Variants in LHX4 observed in about 807,000 individuals in gnomAD.
The protein encoded by LHX4 is LIM homeobox 4.
LHX4 carries 16 observed loss-of-function variants against 39.2 expected under a neutral mutation model. That is an observed-to-expected ratio of 0.41 (90% CI 0.28 to 0.62). LHX4 has a LOEUF of 0.62. Ranked by LOEUF, LHX4 falls within the 20% of genes least tolerant of loss-of-function variation. The probability of loss-of-function intolerance (pLI) is 0.33; values close to 1 mark genes in which losing one functional copy is unlikely to be tolerated. For missense variants in LHX4, 439 were observed against 511.9 expected (o/e 0.86, Z 1.37); for synonymous variants, 206 against 198.1 (o/e 1.04, Z -0.33).
chr1:180,250,705 T>G (rs1025433004), intron 2 of LHX4, among the ~76,000 whole-genome samples: 1 of 152,164 alleles, frequency 6.6e-6, no homozygotes, highest in Non-Finnish European at 1.5e-5. Flanking sequence ...GACCCCCCAG[T>G]GCTTCCTCAG....
rs2149270778 is a variant in LHX4 at position 180,276,883 on chromosome 1, G to GTT, written c.*2305_*2306insTT. 1 of 4,182 alleles carries GTT rather than the reference G, an allele frequency of 2.4e-4. No individual in the cohort carries two copies. Among genetic ancestry groups the GTT allele is most frequent in the Admixed American group, 3.0e-3 (1 of 330 alleles). 0.3% of individuals were successfully genotyped at this position (4,182 alleles called of 1,614,324 possible). On this transcript the variant is annotated 3_prime_UTR_variant, in exon 6 of 6. Transcript: ENST00000263726. ...GTAGCACTGTTTAAGATCACTGTAA[G>GTT]TAAGTTGACCAGTTTTTGTAAGTTA...
At chr1:180,268,303 A>T (rs1648419856) in intron 3 of LHX4, among the ~76,000 whole-genome samples, 1 of 152,018 alleles carries the variant, frequency 6.6e-6, no homozygotes, top group African/African-American at 2.4e-5. Flanking sequence ...CCTCATTTGG[A>T]CTCTGAGCAC....
intron 1 of LHX4, among the ~76,000 whole-genome samples, chr1:180,235,842 A>G (rs1262319730): frequency 6.6e-6 from 1 of 152,232 alleles, no homozygotes; most frequent in African/African-American, 2.4e-5. Flanking sequence ...GACCGAGCGC[A>G]TCCCTGTGTC....
At chr1:180,261,274 C>T (rs1457623946) in intron 2 of LHX4, among the ~76,000 whole-genome samples, 1 of 151,192 alleles carries the variant, frequency 6.6e-6, no homozygotes, top group Non-Finnish European at 1.5e-5. Flanking sequence ...CTGAAGGGTG[C>T]GGGGAGTGGG....
Position 180,232,819 on chromosome 1 carries a change from T to G in LHX4, c.76+2214T>G, listed in dbSNP as rs76192592. 0.038 allele frequency among the ~76,000 whole-genome samples: 5,851 copies of G among 152,226 alleles called. 229 individuals are homozygous for G. The highest frequency in any genetic ancestry group is 0.1 in the African/African-American group (4,208 of 41,518). On this transcript the variant is annotated intron_variant, in intron 1 of 5. Transcript: ENST00000263726. This position sits in a 1 kb window ranked among gnomAD's most constrained non-coding sequence, Gnocchi z 5.4. Reference sequence around the variant, plus strand: ...TTAGTTTTCTTGGGACTGGGCCCAGTGGCCTAAGAAGGGGGGAAGCTCGAG... The same window carrying G: ...TTAGTTTTCTTGGGACTGGGCCCAGGGGCCTAAGAAGGGGGGAAGCTCGAG...
At chr1:180,262,634 G>A (rs2149261898) in intron 2 of LHX4, among the ~76,000 whole-genome samples, 1 of 149,610 alleles carries the variant, frequency 6.7e-6, no homozygotes, top group Middle Eastern at 3.5e-3. Flanking sequence ...TAAATCTTTA[G>A]GTACTTAAAG....
At chr1:180,238,735 G>C (rs543456691) in intron 1 of LHX4, among the ~76,000 whole-genome samples, 37 of 152,274 alleles carry the variant, frequency 2.4e-4, no homozygotes, top group African/African-American at 8.9e-4. Flanking sequence ...TTCTGTTATT[G>C]TCTCTTCAAG....
chr1:180,251,576 C>T (rs1647629182), intron 2 of LHX4, among the ~76,000 whole-genome samples: 1 of 152,222 alleles, frequency 6.6e-6, no homozygotes, highest in African/African-American at 2.4e-5. Context: ...CCTGGCTCTG[C>T]GCTTTGTCCA....
chr1:180,228,781 C>T (rs937637640), upstream of LHX4, among the ~76,000 whole-genome samples: 1 of 152,306 alleles, frequency 6.6e-6, no homozygotes, highest in Non-Finnish European at 1.5e-5. Context: ...CATGCTCCTC[C>T]CTTAAAGGTG....
chr1:180,229,968 G>GGT (rs1411627576), upstream of LHX4, among the ~76,000 whole-genome samples: 4 of 140,972 alleles, frequency 2.8e-5, no homozygotes, highest in African/African-American at 1.1e-4. Context: ...GCGGGGAGGG[G>GGT]GGGGGGGTGC....
intron 1 of LHX4, among the ~76,000 whole-genome samples, chr1:180,238,843 G>A (rs1664386024): frequency 6.6e-6 from 1 of 152,184 alleles, no homozygotes; most frequent in South Asian, 2.1e-4. Flanking sequence ...AGGGTTGGGG[G>A]GCGGCACACA....
chr1:180,274,787 A>T lies in LHX4; in HGVS notation c.*208A>T. ...AGCAGTGGGAGAGCAGACTCATCTC[A>T]GAACACAGCACAGGGGGTAATGGCC... On this transcript the variant is annotated 3_prime_UTR_variant, in exon 6 of 6. Transcript: ENST00000263726. The T allele has an allele frequency of 1.7e-6, 1 of 592,108 alleles. No homozygotes were observed. The highest frequency in any genetic ancestry group is 2.9e-5 in the East Asian group (1 of 34,952). 36.7% of individuals were successfully genotyped at this position (592,108 alleles called of 1,614,324 possible).
upstream of LHX4, among the ~76,000 whole-genome samples, chr1:180,229,592 C>T (rs11583176): frequency 3.3e-5 from 5 of 151,854 alleles, no homozygotes; most frequent in African/African-American, 9.7e-5. Context: ...TGGGAAGTGC[C>T]GGCAGGAAAG....
Position 180,274,291 on chromosome 1 carries a change from AG to A in LHX4, c.887del (p.Gly296AspfsTer7). ...MNGSFSMDGT[G>X]QSYQDLRDGS... The stretch of plus-strand genomic sequence containing the variant: ...ATGGGAGCTTCTCCATGGACGGGAC[AG>A]GACAATCCTATCAGGACTTGAGGGA... On this transcript the variant is annotated frameshift_variant, in exon 6 of 6. Coordinates refer to ENST00000263726, the MANE Select transcript of LHX4 (RefSeq NM_033343.4). LOFTEE classifies it high-confidence loss of function. 1 of 1,614,218 alleles carries A rather than the reference AG, an allele frequency of 6.2e-7. No individual in the cohort carries two copies. The highest frequency in any genetic ancestry group is 8.5e-7 in the Non-Finnish European group (1 of 1,180,014).
Position 180,276,628 on chromosome 1 carries a change from T to C in LHX4, c.*2049T>C, listed in dbSNP as rs1649045094. ...GGAAAGGAAAATGCAGTCGTCTTTT[T>C]GGAGGATGGCTTTTTAAATACACCC... On this transcript the variant is annotated 3_prime_UTR_variant, in exon 6 of 6. Transcript: ENST00000263726. 1 of 152,244 alleles carries C rather than the reference T, an allele frequency of 6.6e-6. No homozygotes were observed. Among genetic ancestry groups the C allele is most frequent in the African/African-American group, 2.4e-5 (1 of 41,460 alleles). The allele number at this position is 152,244 out of a possible 1,614,324, so 9.4% of individuals were successfully genotyped here. A position where few individuals can be genotyped will look rare whatever the true frequency, so the allele number is the denominator to read the frequency against.
rs145152367 is a variant in LHX4 at position 180,273,758 on chromosome 1, G to A, written c.779-427G>A. 4.3e-3 allele frequency: 1,009 copies of A among 232,078 alleles called. 11 individuals are homozygous for A. The highest frequency in any genetic ancestry group is 0.022 in the African/African-American group (957 of 43,712). 14.4% of individuals were successfully genotyped at this position (232,078 alleles called of 1,614,324 possible). ...CTTCCCTGACCATATGGGCCTGCTTGCTTCCCAATCAACTAAACCAAGCCC... is the reference window on the plus strand; with the variant it reads ...CTTCCCTGACCATATGGGCCTGCTTACTTCCCAATCAACTAAACCAAGCCC... On this transcript the variant is annotated intron_variant, in intron 5 of 5. Coordinates refer to ENST00000263726, the MANE Select transcript of LHX4 (RefSeq NM_033343.4).
chr1:180,248,497 T>G (rs767810297), intron 2 of LHX4, 41 bp downstream of exon 2: 9 of 1,608,846 alleles, frequency 5.6e-6, no homozygotes, highest in Admixed American at 5.0e-5. Flanking sequence ...GGCCTGTCTC[T>G]GCCTCTCCCC....
rs528208183 is a variant in LHX4, at chr1:180,244,821, CT to C, written c.77-3463del. Among the ~76,000 whole-genome samples, 235 of 152,344 alleles carry C rather than the reference CT, an allele frequency of 1.5e-3. 2 individuals are homozygous for C. The highest frequency in any genetic ancestry group is 5.4e-3 in the African/African-American group (223 of 41,580). ...GGTTCTCAAAGAGTTAATTGCCCCC[CT>C]GGGAGTCCAGCTCCTGGAAATCCAG... On this transcript the variant is annotated intron_variant, in intron 1 of 5. Coordinates refer to ENST00000263726, the MANE Select transcript of LHX4 (RefSeq NM_033343.4).
chr1:180,262,555 A>G (rs1648149982), intron 2 of LHX4, among the ~76,000 whole-genome samples: 1 of 152,128 alleles, frequency 6.6e-6, no homozygotes, highest in Non-Finnish European at 1.5e-5. Flanking sequence ...TTACCAAAGT[A>G]TGCAACTTTT....
Sources: gnomAD v4.1 joint callset for allele counts (sites outside exome capture counted in the v4.1 genomes callset) on GRCh38, gnomAD v4.1.1 for gene constraint, Gnocchi (gnomAD v3.1) non-coding constraint, MANE v1.5 for transcripts, NCBI Gene and HGNC (gene_info 2026-07-23, HGNC 2026-07-21) for gene names.